Variants in WDR72 observed in about 807,000 individuals in gnomAD.
WDR72 encodes the protein WD repeat domain 72, also known as WD repeat-containing protein 72.
A neutral mutation model predicts 124.2 loss-of-function variants in WDR72; 120 were observed. That is an observed-to-expected ratio of 0.97 (90% confidence interval 0.83 to 1.12). The LOEUF (loss-of-function observed/expected upper bound fraction) is 1.12, where lower values mean the gene tolerates loss of function less well. Ranked by LOEUF, WDR72 falls within the 50% of genes most tolerant of loss-of-function variation. The pLI, the probability that WDR72 is intolerant of heterozygous loss-of-function variation, is 0.00. For synonymous variants in WDR72, 452 were observed against 441.7 expected (o/e 1.02, Z -0.29); for missense variants, 1,387 against 1,278.8 (o/e 1.08, Z -1.29).
chr15:53,657,818 G>C (rs1274820550), intron 14 of WDR72, among the ~76,000 whole-genome samples: 3 of 152,136 alleles, frequency 2.0e-5, no homozygotes, highest in Non-Finnish European at 4.4e-5. Context: ...TTGCCTATCA[G>C]CAATTATAAA....
chr15:53,573,624 C>T (rs1333085004), intron 18 of WDR72, among the ~76,000 whole-genome samples: 1 of 152,012 alleles, frequency 6.6e-6, no homozygotes, highest in Non-Finnish European at 1.5e-5. Context: ...CAGCTTACTG[C>T]AACCTCCACC....
chr15:53,607,980 T>C (rs1338990628), intron 17 of WDR72, among the ~76,000 whole-genome samples: 2 of 152,146 alleles, frequency 1.3e-5, no homozygotes, highest in African/African-American at 4.8e-5. Context: ...CCAGTTAAAA[T>C]GGCTTATATC....
At chr15:53,655,989 C>G (rs1295995625) in intron 14 of WDR72, among the ~76,000 whole-genome samples, 1 of 152,224 alleles carries the variant, frequency 6.6e-6, no homozygotes, top group East Asian at 1.9e-4. Flanking sequence ...TGGTGCCCAG[C>G]TTTGTAAGCT....
intron 18 of WDR72, among the ~76,000 whole-genome samples, chr15:53,571,360 T>C (rs767447824): frequency 3.9e-5 from 6 of 152,122 alleles, no homozygotes; most frequent in Non-Finnish European, 7.4e-5. Flanking sequence ...CTTTGACCAA[T>C]GTCTCTTCAA....
chr15:53,621,923 A>C (rs1462755762), intron 14 of WDR72, among the ~76,000 whole-genome samples: 1 of 152,190 alleles, frequency 6.6e-6, no homozygotes, highest in East Asian at 1.9e-4. Flanking sequence ...AAACAAATTT[A>C]CAAGAAAAAA....
At chr15:53,683,201 G>A (rs992677526) in intron 13 of WDR72, among the ~76,000 whole-genome samples, 1 of 152,060 alleles carries the variant, frequency 6.6e-6, no homozygotes, top group Non-Finnish European at 1.5e-5. Flanking sequence ...GTGAGATTTG[G>A]GTGGGGACAC....
intron 2 of WDR72, among the ~76,000 whole-genome samples, chr15:53,730,920 CT>C (rs924282233): frequency 6.6e-6 from 1 of 151,810 alleles, no homozygotes; most frequent in African/African-American, 2.4e-5. Flanking sequence ...GGAGTTTTCC[CT>C]GCTAATAGTT....
intron 15 of WDR72, among the ~76,000 whole-genome samples, chr15:53,614,142 T>C (rs946819661): frequency 4.6e-5 from 7 of 152,028 alleles, no homozygotes; most frequent in African/African-American, 7.2e-5. Context: ...TCCTCAGGTA[T>C]CATTGGAGCC....
At chr15:53,751,640 G>A (rs570006195) in intron 1 of WDR72, among the ~76,000 whole-genome samples, 42 of 152,262 alleles carry the variant, frequency 2.8e-4, no homozygotes, top group Admixed American at 1.2e-3. Flanking sequence ...AGATATGTCT[G>A]TAACGCCTAA....
At chr15:53,582,115 T>C (rs1221886487) in intron 18 of WDR72, among the ~76,000 whole-genome samples, 1 of 151,986 alleles carries the variant, frequency 6.6e-6, no homozygotes, top group African/African-American at 2.4e-5. Flanking sequence ...CTTTGTACCA[T>C]TAGTCACTCC....
At chr15:53,755,565 A>T (rs2018879043) in intron 1 of WDR72, among the ~76,000 whole-genome samples, 5 of 152,244 alleles carry the variant, frequency 3.3e-5, no homozygotes, top group Admixed American at 3.3e-4. Context: ...TTGTTTTAAC[A>T]GTGGTTTGGG....
At chr15:53,712,618 T>C (rs1349885622) in intron 7 of WDR72, among the ~76,000 whole-genome samples, 154 bp downstream of exon 7, 1 of 147,414 alleles carries the variant, frequency 6.8e-6, no homozygotes, top group Non-Finnish European at 1.5e-5. Context: ...AAAAAAAAAC[T>C]GTTACGTCAG....
chr15:53,516,112 A>G lies in WDR72; in HGVS notation c.*1587T>C, dbSNP rs1891447916. On this transcript the variant is annotated 3_prime_UTR_variant, in exon 20 of 20. Transcript: ENST00000360509. ...ACTGTTTCTAAAGGAGGGGGAATAT[A>G]TTTATCAATCAGTTTTCAAAGGATA... is the stretch of plus-strand genomic sequence containing the variant. 6.6e-6 allele frequency: 1 copy of G among 152,104 alleles called. No individual in the cohort carries two copies. The highest frequency in any genetic ancestry group is 2.4e-5 in the African/African-American group (1 of 41,438). 9.4% of individuals were successfully genotyped at this position (152,104 alleles called of 1,614,324 possible). A position where few individuals can be genotyped will look rare whatever the true frequency, so the allele number is the denominator to read the frequency against.
At chr15:53,712,454 G>A (rs1567043152) in intron 7 of WDR72, among the ~76,000 whole-genome samples, 1 of 152,008 alleles carries the variant, frequency 6.6e-6, no homozygotes, top group African/African-American at 2.4e-5. Context: ...AACTTAGCCG[G>A]GCATGGTGGC....
Position 53,597,030 on chromosome 15 carries a change from T to G in WDR72, c.3148+49A>C, listed in dbSNP as rs373227030. 2.5e-6 allele frequency: 4 copies of G among 1,571,878 alleles called. No individual in the cohort carries two copies. The South Asian group carries it at 4.4e-5, about 17-fold the overall frequency. ...ACCACCATAAGTTGGAGACTATCTA[T>G]AGTAGAAAAGTTCTGTTGAAAGAGT... is the stretch of plus-strand genomic sequence containing the variant. On this transcript the variant is annotated intron_variant, in intron 18 of 19. Coordinates refer to ENST00000360509, the MANE Select transcript of WDR72 (RefSeq NM_182758.4).
rs1567035346 is a variant in WDR72, at chr15:53,699,770, T to C, written c.1745A>G (p.Tyr582Cys). The C allele has an allele frequency of 6.2e-7, 1 of 1,614,142 alleles. No homozygotes were observed. Among genetic ancestry groups the C allele is most frequent in the Non-Finnish European group, 8.5e-7 (1 of 1,180,032 alleles). Residue 582 changes from tyrosine (Y) to cysteine (C), a missense_variant, in exon 13 of 20, where the codon TAT (tyrosine) becomes TGT (cysteine). By Grantham distance (194) the Tyr-to-Cys change is radical. Coordinates refer to ENST00000360509, the MANE Select transcript of WDR72 (RefSeq NM_182758.4). ...CTTACCTGTTTCAATTTCCCAGATATAAACTGAGTCATCTGCACATCCAAC... is the reference window on the plus strand; with the variant it reads ...CTTACCTGTTTCAATTTCCCAGATACAAACTGAGTCATCTGCACATCCAAC... ...LIVGCADDSV[Y>C]IWEIETGTLE...
chr15:53,576,842 C>T (rs1434865468), intron 18 of WDR72, among the ~76,000 whole-genome samples: 5 of 152,116 alleles, frequency 3.3e-5, no homozygotes, highest in Admixed American at 2.0e-4. Context: ...GGTTTCTCTT[C>T]CTATCTGCCA....
chr15:53,692,958 T>G (rs1289872749), intron 13 of WDR72, among the ~76,000 whole-genome samples: 1 of 152,164 alleles, frequency 6.6e-6, no homozygotes, highest in East Asian at 1.9e-4. Flanking sequence ...CCATCTGTAA[T>G]CTACCACAAC....
In WDR72 at chr15:53,515,449, AACAG is replaced by A. The variant is rs1891410254; in HGVS notation, c.*2246_*2249del. The A allele has an allele frequency of 6.6e-6, 1 of 152,202 alleles. No homozygotes were observed. The highest frequency in any genetic ancestry group is 6.5e-5 in the Admixed American group (1 of 15,278). 9.4% of individuals were successfully genotyped at this position (152,202 alleles called of 1,614,324 possible). On this transcript the variant is annotated 3_prime_UTR_variant, in exon 20 of 20. Coordinates refer to ENST00000360509, the MANE Select transcript of WDR72 (RefSeq NM_182758.4). ...AGTCAATATAAAGAATTCATTTTTA[AACAG>A]ACTAGTGAATTTGTGTCATAAACAC...
Sources: allele counts gnomAD v4.1 joint callset (sites outside exome capture counted in the v4.1 genomes callset), GRCh38; gene constraint gnomAD v4.1.1; transcripts MANE v1.5; gene names NCBI Gene and HGNC (gene_info 2026-07-23, HGNC 2026-07-21).